ALK: variants seen among roughly 807,000 people sequenced by gnomAD.
The protein encoded by ALK is ALK receptor tyrosine kinase, also known as ALK tyrosine kinase receptor.
In ALK, 74 loss-of-function variants were observed where a neutral mutation model predicts 163.1. The observed-to-expected ratio is 0.45, with a 90% CI of 0.38 to 0.55. The LOEUF is 0.55. Among genes scored for constraint, ALK ranks in the 20% least tolerant of loss-of-function variants. The pLI is 0.00. For missense variants in ALK, 2,063 were observed against 2,105.3 expected, an observed-to-expected ratio of 0.98 and a Z score of 0.39; for synonymous variants, 960 against 843.2, an observed-to-expected ratio of 1.14 and a Z score of -2.40.
intron 8 of ALK, 117 bp downstream of exon 8, chr2:29,318,187 T>A (rs1666889846): frequency 1.2e-6 from 1 of 809,014 alleles, no homozygotes; most frequent in Admixed American, 2.0e-5. Flanking sequence ...GGCCCTCTTG[T>A]TCTCTCCCCA....
intron 3 of ALK, among the ~76,000 whole-genome samples, chr2:29,587,537 TCTCTTTTTA>T (rs1674923953): frequency 7.4e-6 from 1 of 135,966 alleles, no homozygotes; most frequent in African/African-American, 3.8e-5. Flanking sequence ...AAAAAACCCT[TCTCTTTTTA>T]GTTCAAGTCA....
intron 4 of ALK, among the ~76,000 whole-genome samples, chr2:29,510,853 G>T (rs746189190): frequency 6.6e-6 from 1 of 152,156 alleles, no homozygotes; most frequent in Non-Finnish European, 1.5e-5. Context: ...CATGAGGAAG[G>T]TGATTCGTGA....
At chr2:29,679,238 T>C (rs1677987394) in intron 3 of ALK, among the ~76,000 whole-genome samples, 1 of 151,852 alleles carries the variant, frequency 6.6e-6, no homozygotes, top group African/African-American at 2.4e-5. Flanking sequence ...TTTCAATCTA[T>C]TTGAGTATTT....
intron 2 of ALK, among the ~76,000 whole-genome samples, chr2:29,707,022 T>TGTGTGTGTGTGTGG: frequency 6.8e-6 from 1 of 147,548 alleles, no homozygotes; most frequent in Non-Finnish European, 1.5e-5. Context: ...TGTGTGTGTG[T>TGTGTGTGTGTGTGG]GTGTGTGTTG....
intron 1 of ALK, among the ~76,000 whole-genome samples, chr2:29,874,921 A>G (rs1428214080): frequency 6.6e-6 from 1 of 152,192 alleles, no homozygotes; most frequent in Non-Finnish European, 1.5e-5. Flanking sequence ...ACTGCACATT[A>G]GAATCACCTA....
At chr2:29,894,718 C>T (rs1306844724) in intron 1 of ALK, among the ~76,000 whole-genome samples, 2 of 152,006 alleles carry the variant, frequency 1.3e-5, no homozygotes, top group Non-Finnish European at 2.9e-5. Context: ...ACTTCTAAAG[C>T]ACCTTTTTGA....
chr2:29,414,988 T>C (rs1669832046), intron 4 of ALK, among the ~76,000 whole-genome samples: 1 of 151,780 alleles, frequency 6.6e-6, no homozygotes, highest in Admixed American at 6.6e-5. Context: ...CCCAGGAGCA[T>C]ACAAATGCAT....
chr2:29,353,502 C>A (rs78673981), intron 5 of ALK, among the ~76,000 whole-genome samples: 2 of 152,242 alleles, frequency 1.3e-5, no homozygotes, highest in South Asian at 4.2e-4. Flanking sequence ...ATTGCTTTGC[C>A]GAGTCTGGGT....
intron 3 of ALK, among the ~76,000 whole-genome samples, chr2:29,561,832 G>T (rs577726098): frequency 6.6e-6 from 1 of 152,184 alleles, no homozygotes; most frequent in Non-Finnish European, 1.5e-5. Context: ...CCGGGCATGG[G>T]GGGTAGTGGT....
chr2:29,529,948 G>T (rs137880968), intron 4 of ALK, among the ~76,000 whole-genome samples: 90 of 152,256 alleles, frequency 5.9e-4, no homozygotes, highest in African/African-American at 2.1e-3. Flanking sequence ...CCAGGTGGAC[G>T]TTGAGGCAGG....
intron 1 of ALK, among the ~76,000 whole-genome samples, chr2:29,895,843 T>C (rs1667254145): frequency 6.6e-6 from 1 of 152,232 alleles, no homozygotes; most frequent in Admixed American, 6.5e-5. Context: ...AGGAGTGAGA[T>C]ACTGGCTGTC....
intron 1 of ALK, among the ~76,000 whole-genome samples, chr2:29,851,198 C>A (rs1665981074): frequency 6.6e-6 from 1 of 152,198 alleles, no homozygotes; most frequent in Admixed American, 6.5e-5. Context: ...ATTACAATAG[C>A]ATGTTATTGA....
chr2:29,336,136 T>C (rs907034385), intron 5 of ALK, among the ~76,000 whole-genome samples: 26 of 152,162 alleles, frequency 1.7e-4, no homozygotes, highest in African/African-American at 6.3e-4. Flanking sequence ...GGCCTGGAGA[T>C]CTTGGGCTGA....
intron 3 of ALK, among the ~76,000 whole-genome samples, chr2:29,686,981 C>T (rs1379438355): frequency 2.6e-5 from 4 of 152,068 alleles, no homozygotes; most frequent in African/African-American, 9.7e-5. Flanking sequence ...AGACGAGTGA[C>T]GTGTTTCTAC....
Position 29,222,511 on chromosome 2 carries a change from TCTTACCTTCACAGCCACTTGCAGGGGG to T in ALK, c.3429_3450+5del. ...AGGGCAGGCTCAAGAGTGAGCCACTTCTTACCTTCACAGCCACTTGCAGGGGGCTTGGGTCGTTGGGCATTCCGGACA... is the reference window on the plus strand; with the variant it reads ...AGGGCAGGCTCAAGAGTGAGCCACTTCTTGGGTCGTTGGGCATTCCGGACA... On this transcript the variant is annotated splice_donor_variant and splice_donor_5th_base_variant and coding_sequence_variant and intron_variant, in exon 21 of 29. Transcript: ENST00000389048. LOFTEE classifies it high-confidence loss of function. 6.2e-7 allele frequency: 1 copy of T among 1,614,126 alleles called. No homozygotes were observed. Among genetic ancestry groups the T allele is most frequent in the Non-Finnish European group, 8.5e-7 (1 of 1,180,008 alleles).
At chr2:29,275,711 A>G (rs140705421) in intron 9 of ALK, among the ~76,000 whole-genome samples, 50 of 152,284 alleles carry the variant, frequency 3.3e-4, no homozygotes, top group South Asian at 1.0e-3. Flanking sequence ...CCGTACTGTT[A>G]ATGGCTGACA....
intron 5 of ALK, among the ~76,000 whole-genome samples, chr2:29,354,225 C>T (rs1442309974): frequency 6.6e-6 from 1 of 152,230 alleles, no homozygotes; most frequent in Non-Finnish European, 1.5e-5. Flanking sequence ...CCTGTCCTGA[C>T]TCCTCACAGA....
At chr2:29,200,492 G>GT (rs1235012148) in intron 26 of ALK, among the ~76,000 whole-genome samples, 4 of 151,836 alleles carry the variant, frequency 2.6e-5, no homozygotes, top group East Asian at 1.9e-4. Context: ...GCAACACATA[G>GT]TTTTTTTAGT....
In ALK at chr2:29,808,704, T is replaced by C. The variant is rs1317908483; in HGVS notation, c.668-91007A>G. On this transcript the variant is annotated intron_variant, in intron 1 of 28. Coordinates refer to ENST00000389048, the MANE Select transcript of ALK (RefSeq NM_004304.5). The stretch of plus-strand genomic sequence containing the variant: ...TGTCAGCACAGGGTTTTGGGCCTTC[T>C]GGTGGCTGATCACTGCCTTTCCACA... 1.3e-4 allele frequency among the ~76,000 whole-genome samples: 20 copies of C among 152,346 alleles called. 1 individual carries two copies. In the East Asian group the frequency reaches 3.7e-3, roughly 28 times the overall value.
Sources: allele counts gnomAD v4.1 joint callset (sites outside exome capture counted in the v4.1 genomes callset), GRCh38; gene constraint gnomAD v4.1.1; transcripts MANE v1.5; gene names NCBI Gene and HGNC (gene_info 2026-07-23, HGNC 2026-07-21).